PLEKHG5: variants seen among roughly 807,000 people sequenced by gnomAD.
PLEKHG5 encodes the protein pleckstrin homology and RhoGEF domain containing G5.
PLEKHG5 carries 52 observed loss-of-function variants against 103.8 expected under a neutral mutation model. The observed-to-expected ratio is 0.50, with a 90% CI of 0.40 to 0.63. PLEKHG5 has a LOEUF of 0.63. Ranked by LOEUF, PLEKHG5 falls within the 30% of genes least tolerant of loss-of-function variation. The probability of loss-of-function intolerance (pLI) is 0.00; values close to 1 mark genes in which losing one functional copy is unlikely to be tolerated. For missense variants in PLEKHG5, 1,205 were observed against 1,347.6 expected, an observed-to-expected ratio of 0.89 and a Z score of 1.66; for synonymous variants, 592 against 575.5, an observed-to-expected ratio of 1.03 and a Z score of -0.41.
In PLEKHG5 at chr1:6,477,608, G is replaced by A. The variant is rs1173491792; in HGVS notation, c.-37C>T. On this transcript the variant is annotated 5_prime_UTR_variant, in exon 2 of 21. Transcript: ENST00000377728. ...ACTTGCTGTCACAGGCCTCGCAGAG[G>A]TTGAGGGGCCCCCGGCGGTGCAGCT... 2 of 1,610,986 alleles carry A rather than the reference G, an allele frequency of 1.2e-6. No individual in the cohort carries two copies. Among genetic ancestry groups the A allele is most frequent in the Non-Finnish European group, 1.7e-6 (2 of 1,179,956 alleles).
chr1:6,496,269 C>T (rs1213821265), upstream of PLEKHG5, among the ~76,000 whole-genome samples: 3 of 152,218 alleles, frequency 2.0e-5, no homozygotes, highest in Non-Finnish European at 4.4e-5. Context: ...GGTACTCCAC[C>T]CCCCTGTTCT....
In PLEKHG5 at chr1:6,473,318, T is replaced by G; in HGVS notation, c.728A>C (p.Lys243Thr). Residue 243 changes from lysine (K) to threonine (T), a missense_variant, in exon 8 of 21, where the codon AAG becomes ACG. Coordinates refer to ENST00000377728, the MANE Select transcript of PLEKHG5 (RefSeq NM_020631.6). ...SGSTNTGDSW[K>T]NRAASRFSGF... ...GCTGAAGCGACTGGCCGCCCGGTTC[T>G]TCCAGCTGTCGCCAGTGTTGGTGCT... 1 of 1,569,788 alleles carries G rather than the reference T, an allele frequency of 6.4e-7. No individual in the cohort carries two copies. The highest frequency in any genetic ancestry group is 8.6e-7 in the Non-Finnish European group (1 of 1,158,442).
At chr1:6,483,810 A>G (rs938544059) in intron 1 of PLEKHG5, among the ~76,000 whole-genome samples, 2 of 152,242 alleles carry the variant, frequency 1.3e-5, no homozygotes, top group Non-Finnish European at 2.9e-5. Flanking sequence ...GTGTCTCCTC[A>G]TGAGAATGAT....
rs1046289350 is a variant in PLEKHG5, at chr1:6,469,231, T to A, written c.2060A>T (p.Gln687Leu). 6.2e-7 allele frequency: 1 copy of A among 1,613,936 alleles called. No individual in the cohort carries two copies. Among genetic ancestry groups the A allele is most frequent in the Admixed American group, 1.7e-5 (1 of 60,024 alleles). Reference protein sequence around the residue: ...DTIYNAQNQLQQLRAQEPPGS... With the variant: ...DTIYNAQNQLLQLRAQEPPGS... ...TGGGGGCTCCTGTGCACGCAGCTGT[T>A]GCAGCTGGTTCTGCAGGCAAGGTTG... The change falls in exon 19 of 21, where the codon CAA becomes CTA. Residue 687 changes from glutamine to leucine, a missense_variant. Coordinates refer to ENST00000377728, the MANE Select transcript of PLEKHG5 (RefSeq NM_020631.6).
At chr1:6,518,432 T>C (rs1267522705) in intron 1 of PLEKHG5, among the ~76,000 whole-genome samples, 1 of 151,096 alleles carries the variant, frequency 6.6e-6, no homozygotes, top group East Asian at 2.0e-4. Flanking sequence ...TGATGGCGCA[T>C]GCCTGTAATC....
chr1:6,469,662 G>A lies in PLEKHG5; in HGVS notation c.1815C>T (p.Cys605=), dbSNP rs1167567043. 7.4e-6 allele frequency: 12 copies of A among 1,613,338 alleles called. No individual in the cohort carries two copies. The highest frequency in any genetic ancestry group is 1.0e-5 in the Non-Finnish European group (12 of 1,179,992). Residue 605 remains cysteine (C), a synonymous_variant, in exon 17 of 21, where the codon TGC becomes TGT. Coordinates refer to ENST00000377728, the MANE Select transcript of PLEKHG5 (RefSeq NM_020631.6). ...CCAACAGCAGATCCGTGAAGAGGAA[G>A]CAGTACACATCCATCTGCAGTGGCA... ...EGKDSKMDVY[C]FLFTDLLLVT...
upstream of PLEKHG5, chr1:6,497,248 G>T: frequency 2.3e-6 from 2 of 883,284 alleles, no homozygotes; most frequent in South Asian, 1.4e-5. The surrounding 1 kb of genome is among the most constrained non-coding windows in gnomAD (Gnocchi z 6.1). Context: ...GGCCCTCCCC[G>T]GAGGAGGTTA....
chr1:6,469,377 C>CT lies in PLEKHG5; in HGVS notation c.2006dup (p.Ala670GlyfsTer41). The CT allele has an allele frequency of 6.2e-7, 1 of 1,614,176 alleles. No individual in the cohort carries two copies. Among genetic ancestry groups the CT allele is most frequent in the Non-Finnish European group, 8.5e-7 (1 of 1,180,044 alleles). On this transcript the variant is annotated frameshift_variant, in exon 18 of 21. Transcript: ENST00000377728. LOFTEE classifies it high-confidence loss of function. ...TGTCCACCCAGCCACGGCACAAGGC[C>CT]TGGCCACTGGCCTGGAACGTGTAGG...
At chr1:6,501,326 C>T (rs929707155), upstream of PLEKHG5, among the ~76,000 whole-genome samples, 7 of 152,208 alleles carry the variant, frequency 4.6e-5, no homozygotes, top group African/African-American at 7.2e-5. This position sits in a 1 kb window ranked among gnomAD's most constrained non-coding sequence, Gnocchi z 4.3. Context: ...ATCCTCCCAT[C>T]GCTGTCTGCT....
At chr1:6,485,768 AG>A in intron 1 of PLEKHG5, 5 of 513,802 alleles carry the variant, frequency 9.7e-6, no homozygotes, top group Non-Finnish European at 1.2e-5. Flanking sequence ...GGACCCCCAC[AG>A]CCCCGCCTCC....
chr1:6,492,907 C>T (rs997754187), upstream of PLEKHG5, among the ~76,000 whole-genome samples: 5 of 151,754 alleles, frequency 3.3e-5, no homozygotes, highest in African/African-American at 1.2e-4. Flanking sequence ...CCCCTCCTCC[C>T]GTCCCCTTCT....
At chr1:6,495,495 G>A (rs1036439039), upstream of PLEKHG5, among the ~76,000 whole-genome samples, 6 of 152,112 alleles carry the variant, frequency 3.9e-5, no homozygotes, top group East Asian at 1.9e-4. Context: ...AAGACAACAC[G>A]GGCCCTGGTA....
chr1:6,471,656 G>T lies in PLEKHG5; in HGVS notation c.1132-19C>A. The T allele has an allele frequency of 1.9e-6, 3 of 1,570,304 alleles. No homozygotes were observed. The highest frequency in any genetic ancestry group is 2.6e-6 in the Non-Finnish European group (3 of 1,159,342). On this transcript the variant is annotated intron_variant, in intron 11 of 20. Coordinates refer to ENST00000377728, the MANE Select transcript of PLEKHG5 (RefSeq NM_020631.6). ...CCTCCACCTGGGCGCGGCGGGAGGT[G>T]CGGTTGGCCACGCCCCTCCGCCAGG...
At chr1:6,519,740 G>C in exon 1 of PLEKHG5, 2 of 609,594 alleles carry the variant, frequency 3.3e-6, no homozygotes, top group Non-Finnish European at 5.8e-6. Flanking sequence ...GTCCAACACA[G>C]GTCCCCTGGG....
chr1:6,484,644 T>TGGCCCCTTCTTGAAGCCAGACTCC (rs1437324292), intron 1 of PLEKHG5, among the ~76,000 whole-genome samples: 6 of 152,044 alleles, frequency 3.9e-5, no homozygotes, highest in African/African-American at 1.5e-4. Flanking sequence ...TAGGGCGGAA[T>TGGCCCCTTCTTGAAGCCAGACTCC]GGCCCCTTCT....
At chr1:6,475,400 G>A in intron 4 of PLEKHG5, 62 bp downstream of exon 4, 2 of 1,452,542 alleles carry the variant, frequency 1.4e-6, no homozygotes, top group South Asian at 2.3e-5. Context: ...GGAAGGCCCA[G>A]GCTCGGGGAA....
chr1:6,484,056 G>A (rs1420368062), intron 1 of PLEKHG5, among the ~76,000 whole-genome samples: 1 of 152,238 alleles, frequency 6.6e-6, no homozygotes, highest in African/African-American at 2.4e-5. Context: ...TGCTAGGTCG[G>A]AGGAGTTCTG....
At chr1:6,483,565 T>C (rs1447950227) in intron 1 of PLEKHG5, among the ~76,000 whole-genome samples, 1 of 152,120 alleles carries the variant, frequency 6.6e-6, no homozygotes, top group Non-Finnish European at 1.5e-5. Context: ...CTTGGGAGGC[T>C]GAGGTGGGAA....
chr1:6,485,505 T>C, intron 1 of PLEKHG5: 1 of 1,233,084 alleles, frequency 8.1e-7, no homozygotes, highest in African/African-American at 1.6e-5. Flanking sequence ...CCCCGCTTCC[T>C]GCCATTGTGC....
Sources: gnomAD v4.1 joint callset for allele counts (sites outside exome capture counted in the v4.1 genomes callset) on GRCh38, gnomAD v4.1.1 for gene constraint, Gnocchi (gnomAD v3.1) non-coding constraint, MANE v1.5 for transcripts, NCBI Gene and HGNC (gene_info 2026-07-23, HGNC 2026-07-21) for gene names.